Variants in MTMR8 observed in about 807,000 individuals in gnomAD.
MTMR8 encodes the protein myotubularin related protein 8.
In MTMR8, 65 loss-of-function variants were observed where a neutral mutation model predicts 39.3. That is an observed-to-expected ratio of 1.65 (90% CI 1.35 to 2.03). The LOEUF (loss-of-function observed/expected upper bound fraction) is 2.03, where lower values mean the gene tolerates loss of function less well. MTMR8 is among the 30% of genes most tolerant of loss of function. MTMR8 has a pLI of 0.00. For missense variants in MTMR8, 777 were observed against 538.9 expected, an observed-to-expected ratio of 1.44 and a Z score of -4.37; for synonymous variants, 245 against 185.2, an observed-to-expected ratio of 1.32 and a Z score of -2.62.
intron 12 of MTMR8, among the ~76,000 whole-genome samples, chrX:64,308,945 T>A (rs1032959050): frequency 2.1e-4 from 24 of 112,357 alleles, no homozygotes; most frequent in African/African-American, 6.8e-4. Flanking sequence ...CTCTCCATTC[T>A]GTTCCATTGA....
chrX:64,329,020 A>G, intron 11 of MTMR8, 120 bp from the exon 12 acceptor site: 1 of 577,655 alleles, frequency 1.7e-6, no homozygotes, highest in South Asian at 4.7e-5. Flanking sequence ...AGAAAGGACG[A>G]CAGGATATGA....
At chrX:64,294,753 A>T (rs1180061979) in intron 12 of MTMR8, among the ~76,000 whole-genome samples, 1 of 111,357 alleles carries the variant, frequency 9.0e-6, no homozygotes, top group East Asian at 2.8e-4. Context: ...AGGAGAAAAC[A>T]ATGTCTCTGG....
chrX:64,281,579 A>G (rs972026935), intron 12 of MTMR8, among the ~76,000 whole-genome samples: 2 of 112,062 alleles, frequency 1.8e-5, no homozygotes, highest in African/African-American at 6.5e-5. Flanking sequence ...TAAATACAAA[A>G]CCCAAAACCA....
At chrX:64,283,347 G>A (rs978264320) in intron 12 of MTMR8, among the ~76,000 whole-genome samples, 8 of 112,107 alleles carry the variant, frequency 7.1e-5, no homozygotes, top group South Asian at 3.7e-4. Context: ...TGGGTGGAGC[G>A]CACTGCAGCT....
chrX:64,324,687 A>T (rs749132327), intron 12 of MTMR8, among the ~76,000 whole-genome samples: 1 of 109,717 alleles, frequency 9.1e-6, no homozygotes, highest in Non-Finnish European at 1.9e-5. Context: ...CCTGTCTCAA[A>T]AAAAGAAAAG....
At chrX:64,319,941 T>G (rs1220504625) in intron 12 of MTMR8, among the ~76,000 whole-genome samples, 10 of 111,625 alleles carry the variant, frequency 9.0e-5, no homozygotes, top group African/African-American at 3.3e-4. Context: ...TTCTGTGAAG[T>G]AACTTATTGG....
chrX:64,289,464 C>G (rs1198792851), intron 12 of MTMR8, among the ~76,000 whole-genome samples: 1 of 108,617 alleles, frequency 9.2e-6, no homozygotes, highest in Non-Finnish European at 1.9e-5. Context: ...ATAGCAAGAC[C>G]CTGTCTCTAC....
chrX:64,301,008 C>T (rs1235888911), intron 12 of MTMR8, among the ~76,000 whole-genome samples: 9 of 105,844 alleles, frequency 8.5e-5, no homozygotes, highest in African/African-American at 1.4e-4. Flanking sequence ...CTGCCCTTAA[C>T]ATTTTTTCCT....
chrX:64,373,056 T>C (rs1002985844), intron 1 of MTMR8, among the ~76,000 whole-genome samples: 2 of 111,863 alleles, frequency 1.8e-5, no homozygotes, highest in Non-Finnish European at 3.8e-5. Flanking sequence ...CTCTACATGT[T>C]ATCTCATTTA....
intron 1 of MTMR8, among the ~76,000 whole-genome samples, chrX:64,392,585 T>G (rs1482686520): frequency 9.0e-6 from 1 of 111,048 alleles, no homozygotes; most frequent in Non-Finnish European, 1.9e-5. Flanking sequence ...TTCTTTTTTT[T>G]GTTTGTTTGT....
At chrX:64,302,950 C>T (rs1327142945) in intron 12 of MTMR8, among the ~76,000 whole-genome samples, 3 of 112,404 alleles carry the variant, frequency 2.7e-5, no homozygotes, top group Non-Finnish European at 5.6e-5. Flanking sequence ...TGGGTTGTGC[C>T]CTCAGGCCTA....
intron 12 of MTMR8, among the ~76,000 whole-genome samples, chrX:64,274,471 T>G (rs1931829779): frequency 8.9e-6 from 1 of 112,119 alleles, no homozygotes; most frequent in Admixed American, 9.4e-5. Context: ...AGAAGGAAAT[T>G]TATTAGCACA....
chrX:64,318,455 G>T (rs950240608), intron 12 of MTMR8, among the ~76,000 whole-genome samples: 2 of 111,123 alleles, frequency 1.8e-5, no homozygotes, highest in African/African-American at 6.6e-5. Context: ...GTTATGTATG[G>T]GTTGCCAGCT....
intron 12 of MTMR8, among the ~76,000 whole-genome samples, chrX:64,303,448 C>T (rs1921971703): frequency 8.9e-6 from 1 of 112,077 alleles, no homozygotes; most frequent in African/African-American, 3.2e-5. Context: ...TTTATCCATT[C>T]TACAGTGTTT....
At chrX:64,367,520 C>A (rs1045219750) in intron 1 of MTMR8, among the ~76,000 whole-genome samples, 15 of 112,071 alleles carry the variant, frequency 1.3e-4, no homozygotes, top group Non-Finnish European at 2.4e-4. Flanking sequence ...ACATGATTAT[C>A]TCAATAGATG....
At chrX:64,351,455 G>A (rs1470283325) in intron 4 of MTMR8, among the ~76,000 whole-genome samples, 2 of 111,454 alleles carry the variant, frequency 1.8e-5, no homozygotes. Context: ...ATCCTAGCAG[G>A]CCTGATTGCT....
chrX:64,305,775 T>G, intron 12 of MTMR8: 1 of 399,268 alleles, frequency 2.5e-6, no homozygotes, highest in Non-Finnish European at 4.7e-6. Flanking sequence ...AAGCATTTCC[T>G]GTATGGTTTC....
chrX:64,270,913 C>G, intron 13 of MTMR8, 34 bp downstream of exon 13: 1 of 1,199,165 alleles, frequency 8.3e-7, no homozygotes, highest in Non-Finnish European at 1.1e-6. Context: ...CCAGAAGGGG[C>G]AAGAAGATCT....
intron 8 of MTMR8, among the ~76,000 whole-genome samples, chrX:64,341,099 C>T (rs1427666920): frequency 8.9e-6 from 1 of 112,512 alleles, no homozygotes; most frequent in Admixed American, 9.4e-5. Context: ...TTGAATATAA[C>T]ATAGTTGCTG....
Sources: allele counts gnomAD v4.1 joint callset (sites outside exome capture counted in the v4.1 genomes callset), GRCh38; gene constraint gnomAD v4.1.1; transcripts MANE v1.5; gene names NCBI Gene and HGNC (gene_info 2026-07-23, HGNC 2026-07-21).